The following GP9 variants were observed in gnomAD, a reference collection of about 807,000 sequenced individuals.
GP9 encodes platelet glycoprotein IX.
For synonymous variants in GP9, 116 were observed against 116.7 expected (o/e 0.99, Z 0.04); for missense variants, 228 against 241.8 (o/e 0.94, Z 0.38).
chr3:129,059,259 T>G (rs1946549761), upstream of GP9, among the ~76,000 whole-genome samples: 1 of 152,236 alleles, frequency 6.6e-6, no homozygotes, highest in South Asian at 2.1e-4. Flanking sequence ...AAGTTGTACA[T>G]GCTGAAAATA....
At chr3:129,060,445 C>A (rs540568708), upstream of GP9, among the ~76,000 whole-genome samples, 22 of 152,370 alleles carry the variant, frequency 1.4e-4, no homozygotes, top group African/African-American at 5.3e-4. Context: ...GGTCACTGCT[C>A]CCACTTTACA....
At chr3:129,060,972 G>A (rs1018218683) in intron 1 of GP9, 122 bp downstream of exon 1, 2 of 153,226 alleles carry the variant, frequency 1.3e-5, no homozygotes, top group African/African-American at 4.8e-5. Flanking sequence ...CTCCTTGGCT[G>A]AGTCAAGATG....
upstream of GP9, among the ~76,000 whole-genome samples, chr3:129,059,193 TTA>T (rs1270056626): frequency 3.3e-5 from 5 of 152,266 alleles, no homozygotes; most frequent in Admixed American, 2.6e-4. Flanking sequence ...TATTTGTTAT[TTA>T]TGTAGTTTTT....
At chr3:129,061,435 TC>T in intron 1 of GP9, 58 bp from the exon 2 acceptor site, 1 of 511,420 alleles carries the variant, frequency 2.0e-6, no homozygotes, top group Non-Finnish European at 3.6e-6. Flanking sequence ...GGATGGGGTC[TC>T]TGCTAAGGGC....
At chr3:129,061,670 C>T (rs188407487) in intron 2 of GP9, 51 bp downstream of exon 2, 65 of 1,327,188 alleles carry the variant, frequency 4.9e-5, no homozygotes, top group Middle Eastern at 4.7e-4. Context: ...CAGTGCTTGC[C>T]GTCCCTGAGG....
intron 1 of GP9, among the ~76,000 whole-genome samples, chr3:129,061,090 T>C (rs1158039032): frequency 6.6e-6 from 1 of 152,208 alleles, no homozygotes; most frequent in Non-Finnish European, 1.5e-5. Context: ...GGGCCACGGT[T>C]GCCGAGACCC....
At chr3:129,061,414 C>A in intron 1 of GP9, 80 bp from the exon 2 acceptor site, 1 of 466,290 alleles carries the variant, frequency 2.1e-6, no homozygotes, top group East Asian at 4.2e-5. Context: ...CTCCTCTCAT[C>A]CCCAAGCAGG....
Position 129,062,357 on chromosome 3 carries a change from C to A in GP9, c.*84C>A. ...CAGACTCCACCAAGCCTGGTCAGCC[C>A]AAACCACCAGAAGCCCAGAATAAAC... On this transcript the variant is annotated 3_prime_UTR_variant, in exon 3 of 3. Coordinates refer to ENST00000307395, the MANE Select transcript of GP9 (RefSeq NM_000174.5). 1.1e-6 allele frequency: 1 copy of A among 948,904 alleles called. No individual in the cohort carries two copies. Among genetic ancestry groups the A allele is most frequent in the Non-Finnish European group, 1.6e-6 (1 of 634,424 alleles). The allele number at this position is 948,904 out of a possible 1,614,324, so 58.8% of individuals were successfully genotyped here. A position where few individuals can be genotyped will look rare whatever the true frequency, so the allele number is the denominator to read the frequency against.
Position 129,062,221 on chromosome 3 carries a change from G to T in GP9, c.482G>T (p.Gly161Val). 1 of 1,564,210 alleles carries T rather than the reference G, an allele frequency of 6.4e-7. No individual in the cohort carries two copies. ...DVALVAVAAL[G>V]LALLAGLLCA... ...GCGCTGGTCGCCGTGGCCGCGCTGG[G>T]CCTGGCTCTTCTGGCTGGCCTGCTG... The change falls in exon 3 of 3, where the codon GGC becomes GTC. Residue 161 changes from glycine to valine, a missense_variant. By Grantham distance (109) the Gly-to-Val change is moderately radical (BLOSUM62 -3). Transcript: ENST00000307395.
At chr3:129,057,446 G>C (rs1180596114), upstream of GP9, among the ~76,000 whole-genome samples, 1 of 152,168 alleles carries the variant, frequency 6.6e-6, no homozygotes, top group Non-Finnish European at 1.5e-5. Flanking sequence ...TGGAGTGTTT[G>C]AGCAACAGGA....
upstream of GP9, among the ~76,000 whole-genome samples, chr3:129,056,073 G>A (rs901669759): frequency 1.2e-4 from 19 of 152,232 alleles, no homozygotes; most frequent in African/African-American, 4.1e-4. Context: ...CCTCACAGCA[G>A]TCTGGGAGGT....
At position 129,061,871 on chromosome 3, in the gene GP9, G is replaced by A. The variant is rs6069; in HGVS notation, c.132G>A (p.Thr44=). The A allele has an allele frequency of 0.012, 20,147 of 1,612,758 alleles. 761 individuals are homozygous for A. The highest frequency in any genetic ancestry group is 0.1 in the African/African-American group (7,711 of 74,998). ...LWVDCRGHGL[T]ALPALPARTR... ...TGGACTGCAGGGGCCACGGACTCAC[G>A]GCCCTGCCTGCCCTGCCGGCCCGCA... The change falls in exon 3 of 3, where the codon ACG becomes ACA. Residue 44 remains threonine, a synonymous_variant. Coordinates refer to ENST00000307395, the MANE Select transcript of GP9 (RefSeq NM_000174.5).
At chr3:129,057,612 C>T (rs536885348), upstream of GP9, among the ~76,000 whole-genome samples, 11 of 152,106 alleles carry the variant, frequency 7.2e-5, no homozygotes, top group South Asian at 2.1e-4. Context: ...AGAAGGCGAA[C>T]GAAGACCAGA....
chr3:129,062,064 C>T lies in GP9; in HGVS notation c.325C>T (p.Leu109=). Residue 109 remains leucine (L), a synonymous_variant, in exon 3 of 3, where the codon CTG becomes TTG. Coordinates refer to ENST00000307395, the MANE Select transcript of GP9 (RefSeq NM_000174.5). The part of the protein sequence containing the change: ...WLEDRTPEAL[L]QVRCASPSLA... ...GGAGGACCGCACGCCCGAGGCCCTG[C>T]TGCAGGTCCGCTGTGCCAGCCCCAG... 4.3e-6 allele frequency: 7 copies of T among 1,612,014 alleles called. No individual in the cohort carries two copies. Among genetic ancestry groups the T allele is most frequent in the Non-Finnish European group, 5.9e-6 (7 of 1,179,466 alleles).
At chr3:129,059,614 A>G (rs1946553918), upstream of GP9, among the ~76,000 whole-genome samples, 1 of 152,154 alleles carries the variant, frequency 6.6e-6, no homozygotes, top group African/African-American at 2.4e-5. Context: ...TGAGCCCAGC[A>G]TCAGTGGGTG....
upstream of GP9, among the ~76,000 whole-genome samples, chr3:129,056,865 C>T (rs543089180): frequency 6.6e-6 from 1 of 152,140 alleles, no homozygotes; most frequent in African/African-American, 2.4e-5. Context: ...GGCTAGCCTA[C>T]CACGAAGCTT....
chr3:129,061,988 G>T lies in GP9; in HGVS notation c.249G>T (p.Thr83=), dbSNP rs142692011. ...CCCAGCTGCAGACCCTCGATGTGAC[G>T]CAGAACCCCTGGCACTGTGACTGCA... ...HLPQLQTLDV[T]QNPWHCDCSL... The change falls in exon 3 of 3, where the codon ACG becomes ACT. Residue 83 remains threonine, a synonymous_variant. Transcript: ENST00000307395. 2 of 1,613,770 alleles carry T rather than the reference G, an allele frequency of 1.2e-6. No homozygotes were observed. The highest frequency in any genetic ancestry group is 2.7e-5 in the African/African-American group (2 of 75,064).
At chr3:129,057,029 G>A (rs180725315), upstream of GP9, among the ~76,000 whole-genome samples, 2 of 152,270 alleles carry the variant, frequency 1.3e-5, no homozygotes, top group East Asian at 1.9e-4. Flanking sequence ...AGCAGTCCTG[G>A]CAAGACACAG....
the GP9 span, among the ~76,000 whole-genome samples, chr3:129,054,905 T>C: frequency 2.6e-5 from 4 of 152,248 alleles, no homozygotes; most frequent in Non-Finnish European, 5.9e-5. Flanking sequence ...GGCCAGTGTT[T>C]GTTTAGCTGC....
Sources: gnomAD v4.1 joint callset for allele counts (sites outside exome capture counted in the v4.1 genomes callset) on GRCh38, gnomAD v4.1.1 for gene constraint, MANE v1.5 for transcripts, NCBI Gene and HGNC (gene_info 2026-07-23, HGNC 2026-07-21) for gene names.